PCOLCE2: variants seen among roughly 807,000 people sequenced by gnomAD.
PCOLCE2 encodes procollagen C-endopeptidase enhancer 2, also known as procollagen C-proteinase enhancer 2.
Under a neutral mutation model 47.0 loss-of-function variants are expected in PCOLCE2, and 42 were observed. The observed-to-expected ratio is 0.89, with a 90% confidence interval of 0.70 to 1.16. The LOEUF (loss-of-function observed/expected upper bound fraction) is 1.16, where lower values mean the gene tolerates loss of function less well. PCOLCE2 is among the 50% of genes most tolerant of loss of function. The pLI, the probability that PCOLCE2 is intolerant of heterozygous loss-of-function variation, is 0.00. For missense variants in PCOLCE2, 500 were observed against 526.1 expected (o/e 0.95, Z 0.49); for synonymous variants, 169 against 191.7 (o/e 0.88, Z 0.98).
chr3:142,868,713 C>A (rs1255694422), intron 2 of PCOLCE2, among the ~76,000 whole-genome samples: 1 of 152,162 alleles, frequency 6.6e-6, no homozygotes, highest in African/African-American at 2.4e-5. Flanking sequence ...TGCGGTCTAA[C>A]CCTAGCCAAC....
At chr3:142,838,975 TC>T in intron 4 of PCOLCE2, 69 bp from the exon 5 acceptor site, 1 of 1,254,650 alleles carries the variant, frequency 8.0e-7, no homozygotes, top group Non-Finnish European at 1.1e-6. Flanking sequence ...ATGGAATTCT[TC>T]CTCTCCCCAG....
chr3:142,876,829 G>T (rs1459051066), intron 2 of PCOLCE2, among the ~76,000 whole-genome samples: 2 of 152,128 alleles, frequency 1.3e-5, no homozygotes, highest in Admixed American at 6.5e-5. Context: ...TGTCACCTCT[G>T]CTCCATCCAA....
intron 4 of PCOLCE2, among the ~76,000 whole-genome samples, chr3:142,839,649 CACAA>C (rs1330754011): frequency 6.6e-6 from 1 of 152,170 alleles, no homozygotes; most frequent in Admixed American, 6.5e-5. Flanking sequence ...ACATTCCACA[CACAA>C]ACAAAATAAT....
At chr3:142,827,818 G>A (rs914917365) in intron 6 of PCOLCE2, 2 of 573,176 alleles carry the variant, frequency 3.5e-6, no homozygotes, top group Non-Finnish European at 6.2e-6. Context: ...AAAATCTCAC[G>A]GACACCTCAA....
intron 6 of PCOLCE2, chr3:142,827,214 T>C (rs1045894763): frequency 5.6e-6 from 7 of 1,252,268 alleles, no homozygotes; most frequent in Admixed American, 5.2e-5. Flanking sequence ...GGGATGCCGA[T>C]GTGCTGGTGG....
chr3:142,887,578 C>A, intron 2 of PCOLCE2, 91 bp downstream of exon 2: 1 of 707,762 alleles, frequency 1.4e-6, no homozygotes, highest in Admixed American at 2.4e-5. Context: ...TTGCCTCTTA[C>A]TCAAATCCTA....
At chr3:142,826,500 T>G (rs188880879) in intron 6 of PCOLCE2, among the ~76,000 whole-genome samples, 4 of 152,302 alleles carry the variant, frequency 2.6e-5, no homozygotes, top group Admixed American at 2.6e-4. Context: ...ATAGAAACTT[T>G]CCTTCTCAGT....
rs1363715079 is a variant in PCOLCE2 at position 142,843,047 on chromosome 3, C to T, written c.450G>A (p.Gly150=). ...MFSAAEPNER[G]DQYCGGLLDR... The stretch of plus-strand genomic sequence containing the variant: ...CAAGGAGTCCTCCACAATACTGATC[C>T]CCTTCAAGTATTAAACAAGGAAAAA... Residue 150 remains glycine, a splice_region_variant and synonymous_variant, in exon 4 of 9, where the codon GGG becomes GGA. Coordinates refer to ENST00000295992, the MANE Select transcript of PCOLCE2 (RefSeq NM_013363.4). 1.9e-6 allele frequency: 3 copies of T among 1,612,670 alleles called. No homozygotes were observed. The highest frequency in any genetic ancestry group is 2.5e-6 in the Non-Finnish European group (3 of 1,179,398).
intron 2 of PCOLCE2, among the ~76,000 whole-genome samples, chr3:142,861,069 T>C (rs1218588917): frequency 3.9e-5 from 6 of 152,216 alleles, no homozygotes; most frequent in Non-Finnish European, 7.3e-5. Context: ...CCTCTGAAAA[T>C]GTCTTTATTA....
chr3:142,845,357 T>G (rs1461684563), intron 3 of PCOLCE2, among the ~76,000 whole-genome samples: 1 of 152,246 alleles, frequency 6.6e-6, no homozygotes, highest in Non-Finnish European at 1.5e-5. Context: ...ACATATTACA[T>G]CATACACTAT....
intron 2 of PCOLCE2, among the ~76,000 whole-genome samples, chr3:142,860,167 C>T (rs1015252876): frequency 6.6e-6 from 1 of 152,204 alleles, no homozygotes; most frequent in African/African-American, 2.4e-5. Context: ...TCAGAAGCAA[C>T]CAGTGTAATT....
chr3:142,879,812 T>C (rs1164220716), intron 2 of PCOLCE2, among the ~76,000 whole-genome samples: 10 of 151,270 alleles, frequency 6.6e-5, no homozygotes, highest in Non-Finnish European at 1.5e-4. Flanking sequence ...TACTAAAAAA[T>C]ACAAAAAATT....
At chr3:142,873,977 T>A (rs1933447033) in intron 2 of PCOLCE2, among the ~76,000 whole-genome samples, 1 of 152,230 alleles carries the variant, frequency 6.6e-6, no homozygotes, top group Non-Finnish European at 1.5e-5. Context: ...CCTTACATGT[T>A]GCAGGAGGAG....
chr3:142,882,839 G>A (rs1272149992), intron 2 of PCOLCE2, among the ~76,000 whole-genome samples: 3 of 152,168 alleles, frequency 2.0e-5, no homozygotes, highest in East Asian at 1.9e-4. Context: ...AACAATTGCT[G>A]TTTCAGTTAG....
chr3:142,856,684 G>A (rs1487156482), intron 2 of PCOLCE2, among the ~76,000 whole-genome samples: 1 of 152,198 alleles, frequency 6.6e-6, no homozygotes, highest in African/African-American at 2.4e-5. Flanking sequence ...TGTCGCATTA[G>A]GTTTTGGCTG....
rs144728256 is a variant in PCOLCE2, at chr3:142,824,250, C to T, written c.866-635G>A. 3.2e-4 allele frequency among the ~76,000 whole-genome samples: 49 copies of T among 151,988 alleles called. 1 individual carries two copies. The East Asian group carries it at 9.5e-3, about 30-fold the overall frequency. On this transcript the variant is annotated intron_variant, in intron 6 of 8. Transcript: ENST00000295992. ...CAGTTCTTAAGTACGGGTGACGTTG[C>T]CCCCAGCAGGCATTTGGCAATATCT...
intron 6 of PCOLCE2, among the ~76,000 whole-genome samples, chr3:142,824,824 C>T (rs868470459): frequency 5.9e-5 from 9 of 151,998 alleles, no homozygotes; most frequent in Non-Finnish European, 8.8e-5. Context: ...GATTTCATTT[C>T]GCCATGTTGG....
intron 2 of PCOLCE2, among the ~76,000 whole-genome samples, chr3:142,878,874 A>G (rs1244530625): frequency 6.6e-6 from 1 of 151,872 alleles, no homozygotes; most frequent in Non-Finnish European, 1.5e-5. Context: ...ACCCGAAAGA[A>G]CTTCTTAGAA....
At chr3:142,830,287 T>C (rs1937130891) in intron 5 of PCOLCE2, among the ~76,000 whole-genome samples, 1 of 152,218 alleles carries the variant, frequency 6.6e-6, no homozygotes, top group South Asian at 2.1e-4. Context: ...TTCTCTGAAC[T>C]AAGACTTGCG....
Sources: allele counts gnomAD v4.1 joint callset (sites outside exome capture counted in the v4.1 genomes callset), GRCh38; gene constraint gnomAD v4.1.1; transcripts MANE v1.5; gene names NCBI Gene and HGNC (gene_info 2026-07-23, HGNC 2026-07-21).